The following GRIA4 variants were observed in gnomAD, a reference collection of about 807,000 sequenced individuals.
GRIA4 encodes the protein glutamate ionotropic receptor AMPA type subunit 4.
A neutral mutation model predicts 104.0 loss-of-function variants in GRIA4; 34 were observed. The ratio of observed to expected loss-of-function variants is 0.33; its 90% CI spans 0.25 to 0.44. GRIA4 has a LOEUF of 0.44. Among genes scored for constraint, GRIA4 ranks in the 20% least tolerant of loss-of-function variants. GRIA4 has a pLI of 1.00. For missense variants in GRIA4, 750 were observed against 1,096.5 expected, an observed-to-expected ratio of 0.68 and a Z score of 4.46; for synonymous variants, 386 against 381.9, an observed-to-expected ratio of 1.01 and a Z score of -0.13.
chr11:105,944,365 G>A (rs1313974215), intron 14 of GRIA4, among the ~76,000 whole-genome samples: 2 of 151,948 alleles, frequency 1.3e-5, no homozygotes, highest in African/African-American at 4.8e-5. Context: ...TCTTGTATGG[G>A]TTCAGGCTCA....
rs193136078 is a variant in GRIA4, at chr11:105,880,883, C to T, written c.673-6636C>T. On this transcript the variant is annotated intron_variant, in intron 5 of 16. Coordinates refer to ENST00000282499, the MANE Select transcript of GRIA4 (RefSeq NM_000829.4). ...TATAGAATGATACAGAGATGAAAAG[C>T]TTGGGATCATTAGCCAACAAAAGTA... Among the ~76,000 whole-genome samples, 1,192 of 152,124 alleles carry T rather than the reference C, an allele frequency of 7.8e-3. 14 individuals carry two copies. Among genetic ancestry groups the T allele is most frequent in the African/African-American group, 0.028 (1,144 of 41,466 alleles).
Position 105,864,096 on chromosome 11 carries a change from T to G in GRIA4, c.672+1888T>G, listed in dbSNP as rs1336013300. ...TAATAGTAAGAGAACTTTGTCCATT[T>G]AAAATGCCTCTCAGGTATAAATCTC... On this transcript the variant is annotated intron_variant, in intron 5 of 16. Transcript: ENST00000282499. Among the ~76,000 whole-genome samples, 3 of 152,236 alleles carry G rather than the reference T, an allele frequency of 2.0e-5. No homozygotes were observed. The East Asian group carries it at 5.8e-4, about 29-fold the overall frequency.
intron 3 of GRIA4, among the ~76,000 whole-genome samples, chr11:105,735,456 A>G (rs1938875377): frequency 6.6e-6 from 1 of 152,174 alleles, no homozygotes; most frequent in South Asian, 2.1e-4. Flanking sequence ...GGGTGCAACA[A>G]TTTCATAAAA....
chr11:105,921,609 C>T (rs1591447714), intron 11 of GRIA4, among the ~76,000 whole-genome samples: 1 of 152,100 alleles, frequency 6.6e-6, no homozygotes, highest in African/African-American at 2.4e-5. Flanking sequence ...ATACAACGTT[C>T]ACTTTCTATG....
intron 3 of GRIA4, among the ~76,000 whole-genome samples, chr11:105,647,895 G>C (rs1951574638): frequency 6.6e-6 from 1 of 151,898 alleles, no homozygotes; most frequent in Admixed American, 6.6e-5. Context: ...GGAGGTTGAG[G>C]TTGCAGTGAG....
intron 4 of GRIA4, among the ~76,000 whole-genome samples, chr11:105,816,343 G>T (rs544287370): frequency 3.9e-5 from 6 of 152,240 alleles, no homozygotes; most frequent in South Asian, 2.1e-4. Context: ...CATGGGAGTA[G>T]ATTTCTCATG....
intron 3 of GRIA4, among the ~76,000 whole-genome samples, chr11:105,680,264 G>A (rs552789480): frequency 1.3e-5 from 2 of 152,182 alleles, no homozygotes; most frequent in South Asian, 2.1e-4. Flanking sequence ...CTAGGGGTAT[G>A]GTGAGTGGTG....
chr11:105,698,719 A>G (rs971709188), intron 3 of GRIA4, among the ~76,000 whole-genome samples: 2 of 152,224 alleles, frequency 1.3e-5, no homozygotes, highest in African/African-American at 4.8e-5. Flanking sequence ...TCCTATTCAT[A>G]GCATATAGCA....
intron 3 of GRIA4, among the ~76,000 whole-genome samples, chr11:105,623,519 CTTCT>C (rs554778770): frequency 6.6e-6 from 1 of 152,000 alleles, no homozygotes; most frequent in South Asian, 2.1e-4. Flanking sequence ...CTCTTGCCTG[CTTCT>C]TTGTCTTGTT....
intron 11 of GRIA4, among the ~76,000 whole-genome samples, chr11:105,920,430 A>G (rs1307795353): frequency 6.6e-6 from 1 of 152,140 alleles, no homozygotes; most frequent in Non-Finnish European, 1.5e-5. Flanking sequence ...ACACTCTTAC[A>G]TATTTCATCT....
chr11:105,739,067 G>C (rs762660172), intron 3 of GRIA4, among the ~76,000 whole-genome samples: 6 of 151,806 alleles, frequency 4.0e-5, no homozygotes, highest in African/African-American at 1.5e-4. Flanking sequence ...TAGCCCTTAC[G>C]GTTACGGATT....
chr11:105,634,564 A>G (rs1951155536), intron 3 of GRIA4, among the ~76,000 whole-genome samples: 1 of 152,100 alleles, frequency 6.6e-6, no homozygotes. Flanking sequence ...ACTTGCTTCT[A>G]AAGTGCTTAA....
chr11:105,659,540 G>A (rs145505290), intron 3 of GRIA4, among the ~76,000 whole-genome samples: 38 of 151,970 alleles, frequency 2.5e-4, no homozygotes, highest in Non-Finnish European at 2.2e-4. Context: ...TGTGCCCTAA[G>A]TAGCATCACT....
intron 10 of GRIA4, among the ~76,000 whole-genome samples, chr11:105,910,767 A>G (rs1947208424): frequency 1.3e-5 from 2 of 152,102 alleles, no homozygotes; most frequent in South Asian, 4.1e-4. Flanking sequence ...TGTTCTTGGA[A>G]AAATGCTCAG....
intron 3 of GRIA4, among the ~76,000 whole-genome samples, chr11:105,619,442 A>T (rs11226808): frequency 0.52 from 78,586 of 151,634 alleles, 20,810 homozygotes; most frequent in Non-Finnish European, 0.56. Flanking sequence ...TTATATTTTA[A>T]ATTTATATTT....
intron 5 of GRIA4, among the ~76,000 whole-genome samples, chr11:105,868,713 G>C (rs1945514453): frequency 6.6e-6 from 1 of 152,072 alleles, no homozygotes; most frequent in African/African-American, 2.4e-5. Flanking sequence ...AAGTAACAAT[G>C]GGTGAGATGC....
chr11:105,701,842 G>C (rs373442573), intron 3 of GRIA4, among the ~76,000 whole-genome samples: 3 of 152,094 alleles, frequency 2.0e-5, no homozygotes, highest in Non-Finnish European at 4.4e-5. Flanking sequence ...AGTTAGGTGT[G>C]TAACTTTAAA....
At chr11:105,949,447 G>A (rs1336725298) in intron 14 of GRIA4, among the ~76,000 whole-genome samples, 1 of 152,008 alleles carries the variant, frequency 6.6e-6, no homozygotes, top group Admixed American at 6.6e-5. Context: ...CCTGCATTAG[G>A]ACTGAAAAGA....
At chr11:105,979,399 G>A (rs1474400679) in intron 16 of GRIA4, among the ~76,000 whole-genome samples, 176 bp from the exon 17 acceptor site, 1 of 152,206 alleles carries the variant, frequency 6.6e-6, no homozygotes, top group Non-Finnish European at 1.5e-5. Flanking sequence ...TCATTCTTCG[G>A]TGTAGTTAAG....
Sources: gnomAD v4.1 joint callset for allele counts (sites outside exome capture counted in the v4.1 genomes callset) on GRCh38, gnomAD v4.1.1 for gene constraint, MANE v1.5 for transcripts, NCBI Gene and HGNC (gene_info 2026-07-23, HGNC 2026-07-21) for gene names.